The following EHF variants were observed in gnomAD, a reference collection of about 807,000 sequenced individuals.
EHF encodes ETS homologous factor.
EHF carries 14 observed loss-of-function variants against 45.1 expected under a neutral mutation model. The ratio of observed to expected loss-of-function variants is 0.31; its 90% CI spans 0.21 to 0.49. The LOEUF (loss-of-function observed/expected upper bound fraction) is 0.49, where lower values mean the gene tolerates loss of function less well. Among genes scored for constraint, EHF ranks in the 20% least tolerant of loss-of-function variants. The pLI, the probability that EHF is intolerant of heterozygous loss-of-function variation, is 0.99. For missense variants in EHF, 282 were observed against 371.4 expected, an observed-to-expected ratio of 0.76 and a Z score of 1.98; for synonymous variants, 136 against 131.8, an observed-to-expected ratio of 1.03 and a Z score of -0.22.
rs901210197 is a variant in EHF at position 34,660,161 on chromosome 11, A to G, written c.*1230A>G. Reference sequence around the variant, plus strand: ...GACAATAAGTTGAAATAGCTAGAGGAGCTTCTTTTCAGAACCCCAGATGAG... The same window carrying G: ...GACAATAAGTTGAAATAGCTAGAGGGGCTTCTTTTCAGAACCCCAGATGAG... On this transcript the variant is annotated 3_prime_UTR_variant, in exon 9 of 9. Transcript: ENST00000257831. 1.3e-5 allele frequency: 2 copies of G among 152,172 alleles called. No homozygotes were observed. Among genetic ancestry groups the G allele is most frequent in the South Asian group, 2.1e-4 (1 of 4,824 alleles). 9.4% of individuals were successfully genotyped at this position (152,172 alleles called of 1,614,324 possible). A position where few individuals can be genotyped will look rare whatever the true frequency, so the allele number is the denominator to read the frequency against.
chr11:34,653,269 A>AG (rs1855371814), intron 6 of EHF, among the ~76,000 whole-genome samples: 1 of 152,136 alleles, frequency 6.6e-6, no homozygotes, highest in Non-Finnish European at 1.5e-5. Context: ...CCTGAGCCTC[A>AG]GGGGCTAGTA....
intron 2 of EHF, among the ~76,000 whole-genome samples, chr11:34,644,946 A>G (rs1854367372): frequency 1.3e-5 from 2 of 152,186 alleles, no homozygotes; most frequent in South Asian, 4.1e-4. Context: ...AAAAAGTTAG[A>G]GACAGTTTTC....
rs1253918214 is a variant in EHF, at chr11:34,662,765, T to G, written c.*3834T>G. ...GCAAACACTTGTTGAGTGCCTGCTA[T>G]GTGCACGGCATGGGCCCATATGTGT... On this transcript the variant is annotated 3_prime_UTR_variant, in exon 9 of 9. Transcript: ENST00000257831. Among the ~76,000 whole-genome samples, 1 of 152,162 alleles carries G rather than the reference T, an allele frequency of 6.6e-6. No homozygotes were observed. Among genetic ancestry groups the G allele is most frequent in the Admixed American group, 6.6e-5 (1 of 15,250 alleles).
chr11:34,637,157 C>T (rs1853508235), intron 1 of EHF, among the ~76,000 whole-genome samples: 1 of 151,962 alleles, frequency 6.6e-6, no homozygotes, highest in Admixed American at 6.6e-5. Context: ...GCTTTACCTT[C>T]TGCTATGCCC....
chr11:34,627,329 G>A (rs12283617), intron 1 of EHF, among the ~76,000 whole-genome samples: 2,200 of 152,228 alleles, frequency 0.014, 59 homozygotes, highest in African/African-American at 0.05. Context: ...GACTTGGGGT[G>A]ATTGGGTATG....
At chr11:34,632,588 G>T in intron 1 of EHF, 2 of 1,535,534 alleles carry the variant, frequency 1.3e-6, no homozygotes, top group Non-Finnish European at 1.7e-6. Flanking sequence ...GAAGGCAAGG[G>T]CATGGGGTTG....
intron 4 of EHF, among the ~76,000 whole-genome samples, chr11:34,650,966 T>C (rs572339320): frequency 1.3e-5 from 2 of 152,246 alleles, no homozygotes; most frequent in South Asian, 4.1e-4. Flanking sequence ...GAGAATTTTA[T>C]GTCATCCTTT....
At chr11:34,642,976 G>C (rs536273199) in intron 2 of EHF, among the ~76,000 whole-genome samples, 2 of 152,120 alleles carry the variant, frequency 1.3e-5, no homozygotes, top group Admixed American at 6.5e-5. Context: ...GCAGTGAAGG[G>C]GGGTAGAAGA....
rs1242394214 is a variant in EHF at position 34,658,576 on chromosome 11, C to T, written c.651C>T (p.Leu217=). Residue 217 remains leucine, a synonymous_variant, in exon 8 of 9, where the codon CTC becomes CTT. Transcript: ENST00000257831. ...TATGGGAATTCATCCGCGACATCCTCTTGAACCCAGACAAGAACCCAGGAT... is the reference window on the plus strand; with the variant it reads ...TATGGGAATTCATCCGCGACATCCTTTTGAACCCAGACAAGAACCCAGGAT... ...THLWEFIRDI[L]LNPDKNPGLI... 1 of 1,613,648 alleles carries T rather than the reference C, an allele frequency of 6.2e-7. No homozygotes were observed. Among genetic ancestry groups the T allele is most frequent in the South Asian group, 1.1e-5 (1 of 91,058 alleles).
chr11:34,629,819 C>T (rs1852705107), intron 1 of EHF, among the ~76,000 whole-genome samples: 1 of 151,858 alleles, frequency 6.6e-6, no homozygotes, highest in African/African-American at 2.4e-5. Flanking sequence ...ACATCAGGTG[C>T]TCTTCCAAAA....
Position 34,627,230 on chromosome 11 carries a change from T to C in EHF, c.-4+6002T>C, listed in dbSNP as rs568258650. Among the ~76,000 whole-genome samples the C allele has an allele frequency of 2.6e-5, 4 of 152,082 alleles. No homozygotes were observed. In the South Asian group the frequency reaches 8.3e-4, roughly 32 times the overall value. ...GGAAGGTGGGTAGCAGGGAGATGCA[T>C]GAACCATATTAAGGGGGGACCTCCA... On this transcript the variant is annotated intron_variant, in intron 1 of 8. Coordinates refer to ENST00000257831, the MANE Select transcript of EHF (RefSeq NM_012153.6).
intron 1 of EHF, chr11:34,632,590 A>G (rs1852997041): frequency 7.2e-6 from 11 of 1,535,544 alleles, no homozygotes; most frequent in East Asian, 4.9e-5. Flanking sequence ...AGGCAAGGGC[A>G]TGGGGTTGCC....
intron 1 of EHF, among the ~76,000 whole-genome samples, chr11:34,638,371 C>T (rs1320040136): frequency 6.6e-6 from 1 of 152,166 alleles, no homozygotes; most frequent in East Asian, 1.9e-4. Flanking sequence ...ACAGATCAGG[C>T]AATTACTCTA....
At chr11:34,638,233 T>C (rs1054036706) in intron 1 of EHF, among the ~76,000 whole-genome samples, 2 of 152,154 alleles carry the variant, frequency 1.3e-5, no homozygotes, top group African/African-American at 4.8e-5. Context: ...AAATAAGAGG[T>C]ATAGTTTTTC....
intron 1 of EHF, among the ~76,000 whole-genome samples, chr11:34,638,192 G>A (rs548745726): frequency 2.4e-4 from 37 of 152,326 alleles, no homozygotes; most frequent in African/African-American, 6.7e-4. Context: ...GTGAGCCATC[G>A]CACCCGGTCA....
chr11:34,644,161 A>T (rs1440955385), intron 2 of EHF, among the ~76,000 whole-genome samples: 2 of 152,166 alleles, frequency 1.3e-5, no homozygotes, highest in Non-Finnish European at 2.9e-5. Flanking sequence ...TTTAATCTAG[A>T]CCGTATCAAG....
intron 1 of EHF, among the ~76,000 whole-genome samples, chr11:34,626,228 A>G (rs944191958): frequency 7.2e-5 from 11 of 152,208 alleles, no homozygotes; most frequent in Admixed American, 4.6e-4. Context: ...TGTTGGCCCA[A>G]CTGTGGCTTC....
chr11:34,648,356 T>C (rs1433384033), intron 3 of EHF, among the ~76,000 whole-genome samples: 3 of 151,490 alleles, frequency 2.0e-5, no homozygotes, highest in Admixed American at 2.0e-4. Flanking sequence ...AATATATATA[T>C]ATATATATAA....
intron 1 of EHF, among the ~76,000 whole-genome samples, chr11:34,631,077 CTGGGTG>C (rs1234434078): frequency 9.9e-5 from 15 of 152,284 alleles, no homozygotes; most frequent in Non-Finnish European, 1.3e-4. Flanking sequence ...GTTGCCCAGG[CTGGGTG>C]TGCAGTGGCA....
Sources: gnomAD v4.1 joint callset for allele counts (sites outside exome capture counted in the v4.1 genomes callset) on GRCh38, gnomAD v4.1.1 for gene constraint, MANE v1.5 for transcripts, NCBI Gene and HGNC (gene_info 2026-07-23, HGNC 2026-07-21) for gene names.